VWA3B: variants seen among roughly 807,000 people sequenced by gnomAD.
The protein encoded by VWA3B is von Willebrand factor A domain containing 3B, also known as von Willebrand factor A domain-containing protein 3B.
Under a neutral mutation model 158.3 loss-of-function variants are expected in VWA3B, and 138 were observed. That is an observed-to-expected ratio of 0.87 (90% CI 0.76 to 1.00). The LOEUF is 1.00. VWA3B is among the 50% of genes least tolerant of loss of function. VWA3B has a pLI of 0.00. For synonymous variants in VWA3B, 596 were observed against 587.3 expected (o/e 1.01, Z -0.21); for missense variants, 1,555 against 1,565.1 (o/e 0.99, Z 0.11).
At position 98,173,519 on chromosome 2, in the gene VWA3B, T is replaced by C. The variant is rs1573981646; in HGVS notation, c.1115-7497T>C. 2.6e-5 allele frequency among the ~76,000 whole-genome samples: 4 copies of C among 152,218 alleles called. 1 individual carries two copies. In the East Asian group the frequency reaches 7.7e-4, roughly 29 times the overall value. ...AGAAAAATACCATGTAATTCTCCCA[T>C]GATTCAAGATTAATTGCTGAAAATT... On this transcript the variant is annotated intron_variant, in intron 8 of 27. Coordinates refer to ENST00000477737, the MANE Select transcript of VWA3B (RefSeq NM_144992.5).
At chr2:98,190,511 C>T (rs1423133325) in intron 10 of VWA3B, among the ~76,000 whole-genome samples, 1 of 151,800 alleles carries the variant, frequency 6.6e-6, no homozygotes, top group Admixed American at 6.6e-5. Context: ...ATTTTTTTTC[C>T]ACCTGAAGAA....
chr2:98,290,730 G>T (rs767857325), intron 23 of VWA3B, 108 bp downstream of exon 23: 1 of 768,628 alleles, frequency 1.3e-6, no homozygotes, highest in Non-Finnish European at 2.1e-6. Flanking sequence ...TTCATGAGCT[G>T]GCCTGAGCTA....
Position 98,305,142 on chromosome 2 carries a change from G to A in VWA3B, c.3521+1340G>A, listed in dbSNP as rs557427728. 3.9e-5 allele frequency among the ~76,000 whole-genome samples: 6 copies of A among 152,148 alleles called. No individual in the cohort carries two copies. In the South Asian group the frequency reaches 6.2e-4, roughly 16 times the overall value. ...GCCCTAAACCCTCCTCTTGAGGCTC[G>A]TTGCCCCTCTACCTCTCTGGGGTTT... On this transcript the variant is annotated intron_variant, in intron 26 of 27. Coordinates refer to ENST00000477737, the MANE Select transcript of VWA3B (RefSeq NM_144992.5).
downstream of VWA3B, among the ~76,000 whole-genome samples, chr2:98,314,316 A>G (rs1201745172): frequency 7.1e-6 from 1 of 140,656 alleles, no homozygotes; most frequent in East Asian, 1.9e-4. Flanking sequence ...TAATAAGTGC[A>G]TGGCTGTGAG....
intron 11 of VWA3B, among the ~76,000 whole-genome samples, chr2:98,194,098 A>G (rs1228529572): frequency 1.3e-5 from 2 of 152,208 alleles, no homozygotes; most frequent in African/African-American, 2.4e-5. Flanking sequence ...CATTATATAT[A>G]TAAACTTTTA....
At chr2:98,151,286 A>G (rs1677610249) in intron 7 of VWA3B, among the ~76,000 whole-genome samples, 1 of 151,948 alleles carries the variant, frequency 6.6e-6, no homozygotes, top group Admixed American at 6.6e-5. Flanking sequence ...CTAATTTTGT[A>G]TTTTTAGTAG....
intron 7 of VWA3B, among the ~76,000 whole-genome samples, chr2:98,160,307 T>C (rs1678464854): frequency 6.6e-6 from 1 of 152,164 alleles, no homozygotes; most frequent in Non-Finnish European, 1.5e-5. Context: ...GCTTTCTTTT[T>C]CACTGTTTTT....
chr2:98,129,190 G>A (rs1482661932), intron 6 of VWA3B, among the ~76,000 whole-genome samples: 1 of 150,486 alleles, frequency 6.6e-6, no homozygotes, highest in African/African-American at 2.5e-5. Context: ...TGGAGAGAGA[G>A]AGTGAGAGAG....
intron 5 of VWA3B, chr2:98,122,020 A>T (rs544257154): frequency 6.6e-6 from 1 of 152,544 alleles, no homozygotes; most frequent in East Asian, 1.9e-4. Context: ...TGATGACTCC[A>T]TCCATTTTTG....
intron 7 of VWA3B, among the ~76,000 whole-genome samples, chr2:98,135,359 A>G (rs6731252): frequency 0.64 from 73,582 of 115,226 alleles, 24,956 homozygotes; most frequent in African/African-American, 0.88. Context: ...TTTTTGAGAC[A>G]GAGTCTCGCT....
At chr2:98,253,991 A>G (rs1686960917) in intron 20 of VWA3B, among the ~76,000 whole-genome samples, 1 of 152,144 alleles carries the variant, frequency 6.6e-6, no homozygotes, top group Admixed American at 6.5e-5. Flanking sequence ...ATAGGGGAAT[A>G]ACAAAGGCTA....
chr2:98,125,750 G>A lies in VWA3B; in HGVS notation c.703-2489G>A, dbSNP rs1233544976. On this transcript the variant is annotated intron_variant, in intron 5 of 27. Coordinates refer to ENST00000477737, the MANE Select transcript of VWA3B (RefSeq NM_144992.5). This position sits in a 1 kb window ranked among gnomAD's most constrained non-coding sequence, Gnocchi z 4.1. ...CACGATTCGGCTCACTGCAAGCTCC[G>A]CCTCCCAGGTTCACGCCATTCTCCT... 2.0e-5 allele frequency among the ~76,000 whole-genome samples: 3 copies of A among 151,928 alleles called. No individual in the cohort carries two copies. Among genetic ancestry groups the A allele is most frequent in the South Asian group, 2.1e-4 (1 of 4,818 alleles).
intron 12 of VWA3B, chr2:98,206,835 A>C: frequency 2.6e-6 from 1 of 381,536 alleles, no homozygotes; most frequent in South Asian, 2.1e-5. Flanking sequence ...ATGGTGCTTA[A>C]TCTGGGTTTG....
At chr2:98,280,602 C>T (rs923698649) in intron 22 of VWA3B, among the ~76,000 whole-genome samples, 1 of 152,206 alleles carries the variant, frequency 6.6e-6, no homozygotes, top group Non-Finnish European at 1.5e-5. Context: ...GAGGCCAGAC[C>T]GCTCACCAGG....
At chr2:98,240,040 C>A (rs1194775865) in intron 19 of VWA3B, among the ~76,000 whole-genome samples, 1 of 152,022 alleles carries the variant, frequency 6.6e-6, no homozygotes, top group African/African-American at 2.4e-5. Context: ...GAATAATTCT[C>A]AGTATATGAG....
At chr2:98,266,314 A>G (rs1378564567) in intron 21 of VWA3B, among the ~76,000 whole-genome samples, 5 of 151,714 alleles carry the variant, frequency 3.3e-5, no homozygotes, top group Non-Finnish European at 4.4e-5. Flanking sequence ...TCCTTTCCCC[A>G]TTGCTTGTTT....
rs1275676189 is a variant in VWA3B, at chr2:98,187,571, C to G, written c.1312-404C>G. Among the ~76,000 whole-genome samples the G allele has an allele frequency of 3.5e-4, 53 of 151,950 alleles. 1 individual carries two copies. Among genetic ancestry groups the G allele is most frequent in the Admixed American group, 3.5e-3 (53 of 15,254 alleles). On this transcript the variant is annotated intron_variant, in intron 9 of 27. Coordinates refer to ENST00000477737, the MANE Select transcript of VWA3B (RefSeq NM_144992.5). ...CTTCTTTACCAGGACTTTCCAGGTC[C>G]TTACTGTCTCAACCCAGTGCCAGGG...
At chr2:98,179,776 TTTCTCTTTCTTTTC>T (rs1453660385) in intron 8 of VWA3B, among the ~76,000 whole-genome samples, 4 of 123,402 alleles carry the variant, frequency 3.2e-5, no homozygotes, top group Middle Eastern at 3.8e-3. Flanking sequence ...TCTCTCTTTC[TTTCTCTTTCTTTTC>T]TTTCTTTCTT....
intron 20 of VWA3B, among the ~76,000 whole-genome samples, chr2:98,253,446 C>T (rs1558730016): frequency 6.6e-6 from 1 of 152,108 alleles, no homozygotes; most frequent in Non-Finnish European, 1.5e-5. Flanking sequence ...AGAACCGAGG[C>T]AGCAATTTTG....
Sources: gnomAD v4.1 joint callset for allele counts (sites outside exome capture counted in the v4.1 genomes callset) on GRCh38, gnomAD v4.1.1 for gene constraint, Gnocchi (gnomAD v3.1) non-coding constraint, MANE v1.5 for transcripts, NCBI Gene and HGNC (gene_info 2026-07-23, HGNC 2026-07-21) for gene names.